SPOCK3: variants seen among roughly 807,000 people sequenced by gnomAD.
SPOCK3 encodes the protein SPARC (osteonectin), cwcv and kazal like domains proteoglycan 3, also known as testican-3.
Under a neutral mutation model 56.6 loss-of-function variants are expected in SPOCK3, and 30 were observed. The ratio of observed to expected loss-of-function variants is 0.53; its 90% confidence interval spans 0.40 to 0.72. The LOEUF (loss-of-function observed/expected upper bound fraction) is 0.72, where lower values mean the gene tolerates loss of function less well. Ranked by LOEUF, SPOCK3 falls within the 30% of genes least tolerant of loss-of-function variation. The pLI, the probability that SPOCK3 is intolerant of heterozygous loss-of-function variation, is 0.00. For synonymous variants in SPOCK3, 196 were observed against 183.3 expected (o/e 1.07, Z -0.56); for missense variants, 527 against 530.0 (o/e 0.99, Z 0.06).
intron 2 of SPOCK3, chr4:167,083,392 G>A: frequency 2.7e-6 from 2 of 747,828 alleles, no homozygotes; most frequent in Non-Finnish European, 4.9e-6. Flanking sequence ...TCAACTCTAA[G>A]TGTCCCTGTG....
intron 2 of SPOCK3, chr4:167,119,991 A>G (rs1183962954): frequency 3.3e-6 from 2 of 609,134 alleles, no homozygotes; most frequent in Non-Finnish European, 5.5e-6. Flanking sequence ...TTCCACTGAA[A>G]TATTTTATGT....
At chr4:167,095,151 T>C (rs1292708923) in intron 2 of SPOCK3, among the ~76,000 whole-genome samples, 1 of 152,122 alleles carries the variant, frequency 6.6e-6, no homozygotes, top group Non-Finnish European at 1.5e-5. Context: ...ATGCAAATGT[T>C]AATCTTATTC....
intron 2 of SPOCK3, among the ~76,000 whole-genome samples, chr4:167,151,571 A>G (rs1764425859): frequency 6.6e-6 from 1 of 151,620 alleles, no homozygotes; most frequent in Non-Finnish European, 1.5e-5. Flanking sequence ...AGTAGGTGGG[A>G]CTACAGGCAC....
At chr4:167,211,481 A>G (rs1734866014) in intron 2 of SPOCK3, among the ~76,000 whole-genome samples, 1 of 152,084 alleles carries the variant, frequency 6.6e-6, no homozygotes, top group South Asian at 2.1e-4. Flanking sequence ...TCCCCACCTA[A>G]ATCTCATCTT....
chr4:166,952,395 C>G (rs1742770305), intron 4 of SPOCK3, among the ~76,000 whole-genome samples: 1 of 152,098 alleles, frequency 6.6e-6, no homozygotes, highest in African/African-American at 2.4e-5. Flanking sequence ...AGGACCTCTT[C>G]AAGGAGAACT....
Position 167,193,221 on chromosome 4 carries a change from A to T in SPOCK3, c.189+40764T>A, listed in dbSNP as rs560017059. Among the ~76,000 whole-genome samples, 15 of 145,410 alleles carry T rather than the reference A, an allele frequency of 1.0e-4. 3 individuals are homozygous for T. The highest frequency in any genetic ancestry group is 1.9e-4 in the Non-Finnish European group (13 of 66,842). Reference sequence around the variant, plus strand: ...CTTTCTTTCTCTCTTGCTGTCTCTTATTTAACTTGTTGATTTTCTTTGTAG... The same window carrying T: ...CTTTCTTTCTCTCTTGCTGTCTCTTTTTTAACTTGTTGATTTTCTTTGTAG... On this transcript the variant is annotated intron_variant, in intron 2 of 10. Coordinates refer to ENST00000357545, the MANE Select transcript of SPOCK3 (RefSeq NM_001040159.2).
At chr4:166,852,134 C>T (rs1730181697) in intron 6 of SPOCK3, among the ~76,000 whole-genome samples, 1 of 150,876 alleles carries the variant, frequency 6.6e-6, no homozygotes, top group South Asian at 2.1e-4. Context: ...ACATCACACT[C>T]TGGGAACTGT....
intron 2 of SPOCK3, among the ~76,000 whole-genome samples, chr4:167,124,258 T>C (rs534580797): frequency 6.6e-6 from 1 of 152,222 alleles, no homozygotes; most frequent in African/African-American, 2.4e-5. Flanking sequence ...GATTAAAATA[T>C]AGTCTAGATG....
intron 6 of SPOCK3, among the ~76,000 whole-genome samples, chr4:166,817,291 G>A (rs1241852387): frequency 6.6e-6 from 1 of 151,956 alleles, no homozygotes; most frequent in African/African-American, 2.4e-5. Context: ...CTTTTCACTG[G>A]GTGAGAAACA....
chr4:167,071,239 T>A (rs6819117), intron 2 of SPOCK3, among the ~76,000 whole-genome samples: 1 of 152,034 alleles, frequency 6.6e-6, no homozygotes, highest in Middle Eastern at 3.2e-3. Context: ...AAATTAAGAA[T>A]CTTTTGTTTG....
intron 7 of SPOCK3, among the ~76,000 whole-genome samples, chr4:166,786,253 T>C (rs1226026685): frequency 6.6e-6 from 1 of 152,024 alleles, no homozygotes. Context: ...AGGATGTGCC[T>C]TTACTATGAA....
chr4:166,786,119 G>A (rs2126634394), intron 7 of SPOCK3, among the ~76,000 whole-genome samples: 1 of 152,286 alleles, frequency 6.6e-6, no homozygotes, highest in East Asian at 1.9e-4. Context: ...TGCTATTTTA[G>A]ATGGGGTGGA....
chr4:167,152,928 G>A (rs1466919823), intron 2 of SPOCK3, among the ~76,000 whole-genome samples: 1 of 152,104 alleles, frequency 6.6e-6, no homozygotes, highest in African/African-American at 2.4e-5. Flanking sequence ...TGTTTAGCAT[G>A]CACGAAAGTG....
At chr4:167,137,137 C>T (rs1241035426) in intron 2 of SPOCK3, among the ~76,000 whole-genome samples, 3 of 151,992 alleles carry the variant, frequency 2.0e-5, no homozygotes, top group African/African-American at 7.2e-5. Flanking sequence ...CCTTTCTCTT[C>T]CTTATGTGAG....
chr4:166,774,194 T>C (rs527521292), intron 7 of SPOCK3, among the ~76,000 whole-genome samples: 1 of 152,344 alleles, frequency 6.6e-6, no homozygotes, highest in African/African-American at 2.4e-5. Flanking sequence ...CTATTTTTAC[T>C]TCTAACTCTC....
chr4:166,843,827 G>A (rs917378032), intron 6 of SPOCK3, among the ~76,000 whole-genome samples: 5 of 152,184 alleles, frequency 3.3e-5, no homozygotes, highest in African/African-American at 9.7e-5. Context: ...TCAATGGGAT[G>A]TTGCCAAAGG....
intron 4 of SPOCK3, among the ~76,000 whole-genome samples, chr4:166,925,049 G>T (rs1372821956): frequency 4.6e-5 from 7 of 152,084 alleles, no homozygotes; most frequent in African/African-American, 1.4e-4. Flanking sequence ...AAATGTCAGT[G>T]GATATATAGA....
intron 6 of SPOCK3, among the ~76,000 whole-genome samples, chr4:166,876,478 A>C (rs535143061): frequency 1.4e-4 from 21 of 152,300 alleles, no homozygotes; most frequent in Non-Finnish European, 2.5e-4. Context: ...TACACATAAA[A>C]GTAAAAGCAG....
rs74791511 is a variant in SPOCK3, at chr4:166,887,769, G to A, written c.589+1361C>T. ...CAACATATATGTTGCAGTTTATACT[G>A]CTCGGGTGATGGGTGGGCCAGGATC... On this transcript the variant is annotated intron_variant, in intron 6 of 10. Transcript: ENST00000357545. Among the ~76,000 whole-genome samples the A allele has an allele frequency of 2.2e-3, 336 of 151,524 alleles. 6 individuals are homozygous for A. Among genetic ancestry groups the A allele is most frequent in the East Asian group, 0.021 (110 of 5,122 alleles).
Sources: gnomAD v4.1 joint callset for allele counts (sites outside exome capture counted in the v4.1 genomes callset) on GRCh38, gnomAD v4.1.1 for gene constraint, MANE v1.5 for transcripts, NCBI Gene and HGNC (gene_info 2026-07-23, HGNC 2026-07-21) for gene names.